ENKUR: variants seen among roughly 807,000 people sequenced by gnomAD.
The protein encoded by ENKUR is enkurin, TRPC channel interacting protein.
ENKUR carries 19 observed loss-of-function variants against 27.6 expected under a neutral mutation model. The ratio of observed to expected loss-of-function variants is 0.69; its 90% CI spans 0.48 to 1.01. The LOEUF is 1.01. Ranked by LOEUF, ENKUR falls within the 50% of genes least tolerant of loss-of-function variation. The pLI is 0.00. For synonymous variants in ENKUR, 117 were observed against 96.9 expected, an observed-to-expected ratio of 1.21 and a Z score of -1.22; for missense variants, 312 against 310.5, an observed-to-expected ratio of 1.00 and a Z score of -0.04.
intron 1 of ENKUR, among the ~76,000 whole-genome samples, chr10:25,014,642 A>G (rs74122927): frequency 0.01 from 1,574 of 152,340 alleles, 21 homozygotes; most frequent in African/African-American, 0.035. Flanking sequence ...AATCTGTTAT[A>G]GAGGAGTTTT....
Position 24,982,208 on chromosome 10 carries a change from T to C in ENKUR, c.*2162A>G, listed in dbSNP as rs1849682207. The C allele has an allele frequency of 6.6e-6, 1 of 152,230 alleles. No homozygotes were observed. Among genetic ancestry groups the C allele is most frequent in the South Asian group, 2.1e-4 (1 of 4,826 alleles). 9.4% of individuals were successfully genotyped at this position (152,230 alleles called of 1,614,324 possible). On this transcript the variant is annotated 3_prime_UTR_variant, in exon 6 of 6. Coordinates refer to ENST00000331161, the MANE Select transcript of ENKUR (RefSeq NM_145010.4). ...GATTCTGAGGAATCAAAGGGGATTG[T>C]CATGGAAATGTGATGTGAGCTGATG...
intron 2 of ENKUR, chr10:25,061,108 T>A (rs970472648): frequency 6.5e-7 from 1 of 1,535,936 alleles, no homozygotes; most frequent in African/African-American, 1.4e-5. Flanking sequence ...AATGTCAGTA[T>A]TACCTGGGGA....
intron 2 of ENKUR, among the ~76,000 whole-genome samples, chr10:25,032,315 G>A (rs10764519): frequency 0.42 from 52,986 of 126,212 alleles, 9,478 homozygotes; most frequent in East Asian, 0.53. Flanking sequence ...GAGTAAAGAA[G>A]GGGGGGGGGC....
chr10:24,985,887 G>T (rs554565087), intron 4 of ENKUR, among the ~76,000 whole-genome samples: 7 of 152,102 alleles, frequency 4.6e-5, no homozygotes, highest in Admixed American at 6.6e-5. Context: ...GGGCAACATG[G>T]CAAAACCCTG....
intron 2 of ENKUR, among the ~76,000 whole-genome samples, chr10:25,046,699 C>G (rs1052126974): frequency 2.6e-5 from 4 of 152,148 alleles, no homozygotes; most frequent in African/African-American, 7.2e-5. Context: ...AAAATCATGG[C>G]CCTTTCATAG....
chr10:25,050,531 T>C (rs892237640), intron 2 of ENKUR, among the ~76,000 whole-genome samples: 1 of 152,076 alleles, frequency 6.6e-6, no homozygotes, highest in Non-Finnish European at 1.5e-5. Flanking sequence ...GAGAACAGCA[T>C]GAGAAAGACC....
chr10:25,056,905 T>C (rs150009466), intron 2 of ENKUR, among the ~76,000 whole-genome samples: 9 of 152,190 alleles, frequency 5.9e-5, no homozygotes, highest in African/African-American at 2.2e-4. Context: ...GAGTGGCCAT[T>C]ATGGAAGTGA....
In ENKUR at chr10:25,027,356, TCAAAAAAAAAAAAA is replaced by T. The variant is rs1157527601; in HGVS notation, c.38-31501_38-31488del. Among the ~76,000 whole-genome samples, 15 of 45,736 alleles carry T rather than the reference TCAAAAAAAAAAAAA, an allele frequency of 3.3e-4. No homozygotes were observed. In the South Asian group the frequency reaches 4.9e-3, roughly 15 times the overall value. The allele number at this position is 45,736 out of a possible 152,430, so 30.0% of individuals were successfully genotyped here. ...TGGGTGACAGAGCAAGACTCCCGTC[TCAAAAAAAAAAAAA>T]AAAAAAAAAAAAAAAAACTAGCCAG... On this transcript the variant is annotated intron_variant, in intron 2 of 5. Transcript: ENST00000615958.
chr10:25,027,357 C>CAAAAAAAAAAAAAAAAAA (rs71399946), intron 2 of ENKUR, among the ~76,000 whole-genome samples: 1 of 48,490 alleles, frequency 2.1e-5, no homozygotes, highest in Non-Finnish European at 3.5e-5. Flanking sequence ...ACTCCCGTCT[C>CAAAAAAAAAAAAAAAAAA]AAAAAAAAAA....
chr10:25,046,286 A>T (rs1851121140), intron 2 of ENKUR, among the ~76,000 whole-genome samples: 1 of 152,242 alleles, frequency 6.6e-6, no homozygotes, highest in Admixed American at 6.5e-5. Flanking sequence ...TATCAAGTTC[A>T]GAATTAATCT....
chr10:25,045,827 G>T (rs1851115695), intron 2 of ENKUR, among the ~76,000 whole-genome samples: 1 of 152,024 alleles, frequency 6.6e-6, no homozygotes, highest in Non-Finnish European at 1.5e-5. Flanking sequence ...GACACTTAAG[G>T]GCAGAACCAG....
At chr10:25,059,881 T>C (rs1274169385) in intron 2 of ENKUR, among the ~76,000 whole-genome samples, 2 of 151,714 alleles carry the variant, frequency 1.3e-5, no homozygotes, top group African/African-American at 2.4e-5. Context: ...AAGGAGGCTA[T>C]GCCAGCTGGT....
At chr10:25,028,605 C>T (rs1242083737) in intron 2 of ENKUR, among the ~76,000 whole-genome samples, 1 of 152,174 alleles carries the variant, frequency 6.6e-6, no homozygotes, top group Non-Finnish European at 1.5e-5. Flanking sequence ...CTGTGAACAT[C>T]CACCTTTTTC....
intron 2 of ENKUR, among the ~76,000 whole-genome samples, chr10:25,037,032 G>A (rs1420765709): frequency 6.6e-6 from 1 of 152,304 alleles, no homozygotes; most frequent in Non-Finnish European, 1.5e-5. Context: ...CAGTTACACC[G>A]GCAAATTGGT....
intron 2 of ENKUR, among the ~76,000 whole-genome samples, chr10:25,029,310 C>T (rs1223638044): frequency 6.6e-6 from 1 of 151,610 alleles, no homozygotes; most frequent in Non-Finnish European, 1.5e-5. Flanking sequence ...ATTTAAATAG[C>T]CTAAATGTAG....
At chr10:25,041,718 G>T (rs1346581731) in intron 2 of ENKUR, among the ~76,000 whole-genome samples, 1 of 152,046 alleles carries the variant, frequency 6.6e-6, no homozygotes, top group Non-Finnish European at 1.5e-5. Context: ...TCTTATGTCA[G>T]TTATTACCTT....
At chr10:25,061,210 T>C (rs1851322835) in exon 2 of ENKUR, 3 of 1,493,484 alleles carry the variant, frequency 2.0e-6, no homozygotes, top group Admixed American at 2.0e-5. Context: ...GGCCAGGCCC[T>C]GGGCTTTGAA....
exon 2 of ENKUR, chr10:25,061,330 T>C (rs918358095): frequency 1.6e-6 from 1 of 617,100 alleles, no homozygotes; most frequent in Non-Finnish European, 2.9e-6. Flanking sequence ...GCCTGCTCTG[T>C]TGGGTGCAGC....
At chr10:25,009,071 A>G (rs1850380162) in intron 1 of ENKUR, among the ~76,000 whole-genome samples, 1 of 152,196 alleles carries the variant, frequency 6.6e-6, no homozygotes, top group Non-Finnish European at 1.5e-5. Flanking sequence ...ACACATGGAC[A>G]CAGGAAGGGG....
Sources: allele counts gnomAD v4.1 joint callset (sites outside exome capture counted in the v4.1 genomes callset), GRCh38; gene constraint gnomAD v4.1.1; transcripts MANE v1.5; gene names NCBI Gene and HGNC (gene_info 2026-07-23, HGNC 2026-07-21).